The following ATP2C2 variants were observed in gnomAD, a reference collection of about 807,000 sequenced individuals.
The protein encoded by ATP2C2 is ATPase secretory pathway Ca2+ transporting 2.
ATP2C2 carries 171 observed loss-of-function variants against 110.8 expected under a neutral mutation model. The observed-to-expected ratio is 1.54, with a 90% CI of 1.36 to 1.75. The LOEUF (loss-of-function observed/expected upper bound fraction) is 1.75. Among genes scored for constraint, ATP2C2 ranks in the 40% most tolerant of loss-of-function variants. ATP2C2 has a pLI of 0.00. For synonymous variants in ATP2C2, 804 were observed against 508.4 expected (o/e 1.58, Z -7.82); for missense variants, 1,963 against 1,235.0 (o/e 1.59, Z -8.84).
intron 1 of ATP2C2, among the ~76,000 whole-genome samples, chr16:84,377,791 G>T (rs1006938327): frequency 6.6e-6 from 1 of 152,040 alleles, no homozygotes; most frequent in Non-Finnish European, 1.5e-5. Context: ...GACTTGAAAG[G>T]TATTTTTTTC....
At chr16:84,455,037 G>A in intron 21 of ATP2C2, 53 bp downstream of exon 21, 1 of 1,561,720 alleles carries the variant, frequency 6.4e-7, no homozygotes, top group Non-Finnish European at 8.7e-7. Flanking sequence ...GGGGTCACCA[G>A]CTTCTCCCTG....
intron 15 of ATP2C2, 108 bp downstream of exon 15, chr16:84,442,707 AT>A (rs1909384613): frequency 9.1e-7 from 1 of 1,100,806 alleles, no homozygotes; most frequent in Admixed American, 1.8e-5. Flanking sequence ...ACGTTAGGTA[AT>A]CATGGAAGAA....
chr16:84,435,806 G>A (rs181851153), intron 11 of ATP2C2, among the ~76,000 whole-genome samples: 3 of 147,520 alleles, frequency 2.0e-5, no homozygotes, highest in East Asian at 4.0e-4. Flanking sequence ...CAGCCTGGGC[G>A]ACAGAGCAAG....
At chr16:84,445,795 C>G (rs1358548740) in intron 15 of ATP2C2, among the ~76,000 whole-genome samples, 1 of 152,218 alleles carries the variant, frequency 6.6e-6, no homozygotes, top group Non-Finnish European at 1.5e-5. Context: ...TGTGCCCCTG[C>G]TGCACCGCAT....
At chr16:84,411,793 A>G (rs1345878357) in intron 6 of ATP2C2, among the ~76,000 whole-genome samples, 7 of 152,154 alleles carry the variant, frequency 4.6e-5, no homozygotes, top group Non-Finnish European at 1.5e-5. Context: ...TTAAATATGC[A>G]CATGGACCTA....
intron 20 of ATP2C2, 69 bp downstream of exon 20, chr16:84,453,440 C>G (rs1490524758): frequency 1.3e-6 from 2 of 1,588,938 alleles, no homozygotes; most frequent in African/African-American, 1.3e-5. Context: ...GCTCGAGGAG[C>G]TCATGCGTCC....
chr16:84,428,330 A>G (rs1907968181), intron 11 of ATP2C2, among the ~76,000 whole-genome samples: 1 of 152,248 alleles, frequency 6.6e-6, no homozygotes, highest in Admixed American at 6.5e-5. Flanking sequence ...AGAGATTCCA[A>G]ATGCCTTATT....
intron 26 of ATP2C2, 30 bp downstream of exon 26, chr16:84,462,159 A>T (rs774586594): frequency 7.5e-6 from 12 of 1,598,508 alleles, no homozygotes; most frequent in Non-Finnish European, 5.1e-6. Context: ...ACGACAGGTG[A>T]CCTCGACCAG....
In ATP2C2 at chr16:84,452,068, C is replaced by T; in HGVS notation, c.1808C>T (p.Ala603Val). ...TCTGTGAAGATGATAACGGGGGATGCCCTGGAGACGGCCTTGGCCATAGGT... is the reference window on the plus strand; with the variant it reads ...TCTGTGAAGATGATAACGGGGGATGTCCTGGAGACGGCCTTGGCCATAGGT... ...GVSVKMITGD[A>V]LETALAIGRN... Residue 603 changes from alanine to valine, a missense_variant, in exon 18 of 27, where the codon GCC (alanine) becomes GTC (valine). Physicochemically the swap from Ala to Val is moderately conservative, Grantham distance 64. Coordinates refer to ENST00000262429, the MANE Select transcript of ATP2C2 (RefSeq NM_014861.4). 15 of 1,613,690 alleles carry T rather than the reference C, an allele frequency of 9.3e-6. No individual in the cohort carries two copies. Among genetic ancestry groups the T allele is most frequent in the Non-Finnish European group, 1.3e-5 (15 of 1,179,998 alleles).
rs74384673 is a variant in ATP2C2 at position 84,463,512 on chromosome 16, G to A, written c.2723-102G>A. ...GGGGAATGAAAAGGGCTGGTCCTCCGCACCTCTCACTTTATCAGGAGGACT... is the reference window on the plus strand; with the variant it reads ...GGGGAATGAAAAGGGCTGGTCCTCCACACCTCTCACTTTATCAGGAGGACT... On this transcript the variant is annotated intron_variant, in intron 26 of 26. Coordinates refer to ENST00000262429, the MANE Select transcript of ATP2C2 (RefSeq NM_014861.4). 8.2e-3 allele frequency: 7,950 copies of A among 968,796 alleles called. 518 individuals carry two copies. In the Admixed American group the frequency reaches 0.12, roughly 15 times the overall value. The allele number at this position is 968,796 out of a possible 1,614,324, so 60.0% of individuals were successfully genotyped here.
intron 13 of ATP2C2, 94 bp downstream of exon 13, chr16:84,439,618 A>C: frequency 8.3e-7 from 1 of 1,207,862 alleles, no homozygotes; most frequent in Non-Finnish European, 1.2e-6. Flanking sequence ...AGAACACAAT[A>C]AGGAAGAAAT....
Position 84,463,993 on chromosome 16 carries a change from T to A in ATP2C2, c.*261T>A. On this transcript the variant is annotated 3_prime_UTR_variant, in exon 27 of 27. Transcript: ENST00000262429. ...CACACTGTTTATTAAATCACAATGA[T>A]TTTTATTAACCATGTCTAACTACGT... 2.6e-6 allele frequency: 1 copy of A among 378,970 alleles called. No individual in the cohort carries two copies. 23.5% of individuals were successfully genotyped at this position (378,970 alleles called of 1,614,324 possible).
rs201217442 is a variant in ATP2C2 at position 84,422,167 on chromosome 16, C to G, written c.625-223C>G. ...TAGATTGTATCAAAATTTCGAACAA[C>G]ATTAAGCAAAGATATGAGACTTTTA... On this transcript the variant is annotated intron_variant, in intron 7 of 26. Coordinates refer to ENST00000262429, the MANE Select transcript of ATP2C2 (RefSeq NM_014861.4). Among the ~76,000 whole-genome samples the G allele has an allele frequency of 2.6e-5, 4 of 152,166 alleles. No individual in the cohort carries two copies. In the East Asian group the frequency reaches 7.7e-4, roughly 29 times the overall value.
chr16:84,463,127 C>G lies in ATP2C2; in HGVS notation c.2723-487C>G, dbSNP rs188930895. ...GGGCAGCCCGTACATCAGGAATCAT[C>G]AACAGGGAGCCAGGGATGGTTCCTC... is the stretch of plus-strand genomic sequence containing the variant. On this transcript the variant is annotated intron_variant, in intron 26 of 26. Coordinates refer to ENST00000262429, the MANE Select transcript of ATP2C2 (RefSeq NM_014861.4). The G allele has an allele frequency of 3.2e-3, 528 of 166,840 alleles. 2 individuals carry two copies. Among genetic ancestry groups the G allele is most frequent in the South Asian group, 8.5e-3 (54 of 6,332 alleles). The allele number at this position is 166,840 out of a possible 1,614,324, so 10.3% of individuals were successfully genotyped here.
intron 15 of ATP2C2, among the ~76,000 whole-genome samples, chr16:84,445,838 G>T (rs1909698663): frequency 6.6e-6 from 1 of 152,222 alleles, no homozygotes; most frequent in Non-Finnish European, 1.5e-5. Flanking sequence ...GGATGCATGG[G>T]TCATGACTGG....
intron 7 of ATP2C2, among the ~76,000 whole-genome samples, chr16:84,417,085 T>A (rs1906906363): frequency 1.3e-5 from 2 of 152,230 alleles, no homozygotes; most frequent in Non-Finnish European, 2.9e-5. Context: ...ATTCAAAGCC[T>A]TGTGAACCTT....
chr16:84,421,695 C>G (rs911942873), intron 7 of ATP2C2, among the ~76,000 whole-genome samples: 1 of 152,160 alleles, frequency 6.6e-6, no homozygotes, highest in Non-Finnish European at 1.5e-5. Flanking sequence ...TTTCTGGAAC[C>G]AGAGCTTCGG....
At chr16:84,408,515 C>T (rs776613993) in intron 4 of ATP2C2, 21 bp downstream of exon 4, 32 of 1,603,628 alleles carry the variant, frequency 2.0e-5, no homozygotes, top group Admixed American at 3.3e-5. Flanking sequence ...TGACAGCGCT[C>T]GGCTCCCGGG....
chr16:84,381,651 G>A (rs1033772427), intron 1 of ATP2C2, among the ~76,000 whole-genome samples: 1 of 152,130 alleles, frequency 6.6e-6, no homozygotes, highest in East Asian at 1.9e-4. Context: ...TTCATGCTGG[G>A]CACACTATTC....
Sources: allele counts gnomAD v4.1 joint callset (sites outside exome capture counted in the v4.1 genomes callset), GRCh38; gene constraint gnomAD v4.1.1; transcripts MANE v1.5; gene names NCBI Gene and HGNC (gene_info 2026-07-23, HGNC 2026-07-21).